The following FER1L6 variants were observed in gnomAD, a reference collection of about 807,000 sequenced individuals.
FER1L6 encodes fer-1-like protein 6.
A neutral mutation model predicts 219.2 loss-of-function variants in FER1L6; 177 were observed. The ratio of observed to expected loss-of-function variants is 0.81; its 90% CI spans 0.71 to 0.91. The LOEUF (loss-of-function observed/expected upper bound fraction) is 0.91. Ranked by LOEUF, FER1L6 falls within the 40% of genes least tolerant of loss-of-function variation. FER1L6 has a pLI of 0.00. For missense variants in FER1L6, 2,153 were observed against 2,259.9 expected, an observed-to-expected ratio of 0.95 and a Z score of 0.96; for synonymous variants, 768 against 824.3, an observed-to-expected ratio of 0.93 and a Z score of 1.17.
chr8:124,044,326 T>C (rs1819629147), intron 20 of FER1L6, among the ~76,000 whole-genome samples: 1 of 152,228 alleles, frequency 6.6e-6, no homozygotes, highest in Non-Finnish European at 1.5e-5. Context: ...CTCTGAAACG[T>C]TTAAAATCTT....
intron 6 of FER1L6, 59 bp downstream of exon 6, chr8:123,970,156 G>C: frequency 2.1e-6 from 3 of 1,416,394 alleles, no homozygotes; most frequent in Non-Finnish European, 3.0e-6. Context: ...TGGGCATTGG[G>C]GACTCTCTGG....
chr8:124,040,523 TGTGA>T (rs1401922739), intron 20 of FER1L6: 1 of 179,320 alleles, frequency 5.6e-6, no homozygotes, highest in African/African-American at 2.3e-5. Context: ...TAATGGATAT[TGTGA>T]GTATTAAGGG....
chr8:124,111,128 C>T lies in FER1L6; in HGVS notation c.5290-7716C>T, dbSNP rs965842980. Reference sequence around the variant, plus strand: ...GTCAGCTTTCAAAACAATTTATATACGTTACAGAGAGAAGAGAAAGTACTT... The same window carrying T: ...GTCAGCTTTCAAAACAATTTATATATGTTACAGAGAGAAGAGAAAGTACTT... On this transcript the variant is annotated intron_variant, in intron 39 of 40. Coordinates refer to ENST00000522917, the MANE Select transcript of FER1L6 (RefSeq NM_001039112.2). The surrounding 1 kb of genome is among the most constrained non-coding windows in gnomAD (Gnocchi z 5.0). 3.3e-5 allele frequency among the ~76,000 whole-genome samples: 5 copies of T among 151,982 alleles called. No homozygotes were observed. The highest frequency in any genetic ancestry group is 7.3e-5 in the African/African-American group (3 of 41,362).
At chr8:124,070,369 A>C (rs1346710349) in intron 29 of FER1L6, 98 bp from the exon 30 acceptor site, 2 of 1,355,904 alleles carry the variant, frequency 1.5e-6, no homozygotes, top group Admixed American at 2.0e-5. Context: ...CCCAAGGGGC[A>C]TATATCAAGG....
chr8:123,879,748 T>G (rs1231448021), intron 1 of FER1L6, among the ~76,000 whole-genome samples: 1 of 152,056 alleles, frequency 6.6e-6, no homozygotes, highest in Admixed American at 6.6e-5. Context: ...CTCACACACA[T>G]TCACTCACTG....
intron 16 of FER1L6, among the ~76,000 whole-genome samples, chr8:124,019,503 C>T (rs1239108791): frequency 1.3e-5 from 2 of 152,204 alleles, no homozygotes; most frequent in Non-Finnish European, 2.9e-5. Flanking sequence ...CTGTCCCAGA[C>T]CTGGGCTCCA....
chr8:124,116,196 G>C (rs891241697), intron 39 of FER1L6, among the ~76,000 whole-genome samples: 2 of 152,204 alleles, frequency 1.3e-5, no homozygotes, highest in African/African-American at 4.8e-5. Context: ...CCAAGCCTTG[G>C]TTTCCTTGGC....
At chr8:124,049,479 A>T (rs1819899926) in intron 21 of FER1L6, 128 bp from the exon 22 acceptor site, 1 of 1,075,440 alleles carries the variant, frequency 9.3e-7, no homozygotes, top group African/African-American at 1.6e-5. Flanking sequence ...GCTTGGCAGG[A>T]GAAAAGAGTG....
At chr8:123,972,683 T>G (rs1244401945) in intron 6 of FER1L6, among the ~76,000 whole-genome samples, 11 of 152,214 alleles carry the variant, frequency 7.2e-5, no homozygotes, top group Admixed American at 7.2e-4. Flanking sequence ...AGAGGGGGAC[T>G]TGCTCTCTCT....
At position 123,976,019 on chromosome 8, in the gene FER1L6, G is replaced by A; in HGVS notation, c.805G>A (p.Ala269Thr). The A allele has an allele frequency of 6.2e-7, 1 of 1,614,056 alleles. No individual in the cohort carries two copies. The highest frequency in any genetic ancestry group is 8.5e-7 in the Non-Finnish European group (1 of 1,179,946). ...AAGCATCATGGCGAACGTCACCAAG[G>A]CATTTGTGGGTGACAGTAAGGACCT... ...NSSIMANVTK[A>T]FVGDSKDLVD... Residue 269 changes from alanine (A) to threonine (T), a missense_variant, in exon 9 of 41, where the codon GCA (alanine) becomes ACA (threonine). Transcript: ENST00000522917.
chr8:123,970,167 G>A (rs1815736091), intron 6 of FER1L6, 70 bp downstream of exon 6: 14 of 1,357,250 alleles, frequency 1.0e-5, no homozygotes, highest in South Asian at 9.3e-5. Flanking sequence ...GACTCTCTGG[G>A]ACAACTCAGC....
At chr8:123,869,861 A>C (rs981388820) in intron 1 of FER1L6, among the ~76,000 whole-genome samples, 1 of 152,258 alleles carries the variant, frequency 6.6e-6, no homozygotes. Flanking sequence ...ACAGAACAGC[A>C]TGGAGAACCT....
chr8:124,098,436 A>G (rs191806770), intron 37 of FER1L6, among the ~76,000 whole-genome samples: 137 of 152,034 alleles, frequency 9.0e-4, no homozygotes, highest in African/African-American at 3.1e-3. Context: ...CTTAACTAAA[A>G]CCTCTCTCAG....
intron 1 of FER1L6, among the ~76,000 whole-genome samples, chr8:123,919,998 C>T (rs759786088): frequency 6.6e-6 from 1 of 152,242 alleles, no homozygotes; most frequent in Non-Finnish European, 1.5e-5. Flanking sequence ...GGCACATGTA[C>T]ACTGTCCCAT....
At chr8:124,065,500 A>G (rs185853136) in intron 26 of FER1L6, among the ~76,000 whole-genome samples, 5 of 151,956 alleles carry the variant, frequency 3.3e-5, no homozygotes, top group South Asian at 2.1e-4. Flanking sequence ...AGATAGATGC[A>G]TGGACATTTG....
At chr8:123,933,801 G>T (rs551499824) in intron 1 of FER1L6, among the ~76,000 whole-genome samples, 1 of 151,978 alleles carries the variant, frequency 6.6e-6, no homozygotes, top group East Asian at 1.9e-4. Flanking sequence ...CATTTTTCTT[G>T]CTTTTTTTTC....
At chr8:123,917,568 G>GT (rs1554615154) in intron 1 of FER1L6, among the ~76,000 whole-genome samples, 2 of 152,002 alleles carry the variant, frequency 1.3e-5, no homozygotes, top group Admixed American at 1.3e-4. Context: ...TCCCGCCAAA[G>GT]AAAAAACATA....
At chr8:123,893,988 C>T (rs1436252810) in intron 1 of FER1L6, among the ~76,000 whole-genome samples, 1 of 152,106 alleles carries the variant, frequency 6.6e-6, no homozygotes, top group Non-Finnish European at 1.5e-5. Context: ...CATGAAGCAG[C>T]CAGAAAGATC....
At chr8:124,073,954 G>C (rs192729682) in intron 31 of FER1L6, among the ~76,000 whole-genome samples, 40 of 152,312 alleles carry the variant, frequency 2.6e-4, no homozygotes, top group Admixed American at 2.4e-3. Context: ...CAAATAGGTT[G>C]CTTATAATTT....
Sources: allele counts gnomAD v4.1 joint callset (sites outside exome capture counted in the v4.1 genomes callset), GRCh38; gene constraint gnomAD v4.1.1; non-coding constraint Gnocchi (gnomAD v3.1); transcripts MANE v1.5; gene names NCBI Gene and HGNC (gene_info 2026-07-23, HGNC 2026-07-21).